The following ST6GALNAC3 variants were observed in gnomAD, a reference collection of about 807,000 sequenced individuals.
ST6GALNAC3 encodes the protein ST6 N-acetylgalactosaminide alpha-2,6-sialyltransferase 3.
ST6GALNAC3 carries 25 observed loss-of-function variants against 32.7 expected under a neutral mutation model. That is an observed-to-expected ratio of 0.76 (90% CI 0.56 to 1.07). The LOEUF (loss-of-function observed/expected upper bound fraction) is 1.07. Among genes scored for constraint, ST6GALNAC3 ranks in the 50% least tolerant of loss-of-function variants. The pLI, the probability that ST6GALNAC3 is intolerant of heterozygous loss-of-function variation, is 0.00. For synonymous variants in ST6GALNAC3, 129 were observed against 133.1 expected (o/e 0.97, Z 0.21); for missense variants, 355 against 382.4 (o/e 0.93, Z 0.60).
chr1:76,621,164 T>C (rs1020334144), intron 3 of ST6GALNAC3, among the ~76,000 whole-genome samples: 2 of 151,952 alleles, frequency 1.3e-5, no homozygotes, highest in African/African-American at 2.4e-5. Flanking sequence ...AGTCAAAGGG[T>C]CCTGATGATT....
At chr1:76,582,962 A>G (rs935190379) in intron 3 of ST6GALNAC3, among the ~76,000 whole-genome samples, 1 of 152,150 alleles carries the variant, frequency 6.6e-6, no homozygotes, top group African/African-American at 2.4e-5. Flanking sequence ...GCCCCTGCAG[A>G]CTGGGTTGTT....
At chr1:76,490,192 G>C (rs1660403419) in intron 3 of ST6GALNAC3, among the ~76,000 whole-genome samples, 1 of 152,038 alleles carries the variant, frequency 6.6e-6, no homozygotes, top group South Asian at 2.1e-4. Flanking sequence ...CTCCAGACCT[G>C]AGGTAGAAAT....
At chr1:76,635,244 C>A (rs1649476325), downstream of ST6GALNAC3, among the ~76,000 whole-genome samples, 1 of 152,012 alleles carries the variant, frequency 6.6e-6, no homozygotes, top group Non-Finnish European at 1.5e-5. Flanking sequence ...AATCTCAACA[C>A]TCTTGCAGTT....
chr1:76,189,634 G>A (rs540331701), intron 1 of ST6GALNAC3, among the ~76,000 whole-genome samples: 1 of 152,304 alleles, frequency 6.6e-6, no homozygotes, highest in South Asian at 2.1e-4. Flanking sequence ...TGTAGAGTTT[G>A]AAATTTCTTA....
intron 1 of ST6GALNAC3, among the ~76,000 whole-genome samples, chr1:76,131,499 A>C (rs1052116591): frequency 2.6e-5 from 4 of 152,218 alleles, no homozygotes; most frequent in Admixed American, 2.0e-4. Flanking sequence ...GCATTGGCCA[A>C]GTCCGTGACA....
rs77577456 is a variant in ST6GALNAC3, at chr1:76,536,295, A to G, written c.624-91157A>G. Among the ~76,000 whole-genome samples the G allele has an allele frequency of 7.0e-3, 1,068 of 152,288 alleles. 18 individuals are homozygous for G. The highest frequency in any genetic ancestry group is 0.041 in the East Asian group (213 of 5,174). On this transcript the variant is annotated intron_variant, in intron 3 of 4. Coordinates refer to ENST00000328299, the MANE Select transcript of ST6GALNAC3 (RefSeq NM_152996.4). ...TGTCTTAGTCTGTTCTCACACTGCT[A>G]TGAAGAAATACCTGAGGCTGGGTAA... is the stretch of plus-strand genomic sequence containing the variant.
intron 2 of ST6GALNAC3, among the ~76,000 whole-genome samples, chr1:76,331,542 C>G (rs1383395598): frequency 6.6e-6 from 1 of 152,196 alleles, no homozygotes; most frequent in Non-Finnish European, 1.5e-5. Context: ...TGCTCTGCAA[C>G]TTACCTATTT....
At chr1:76,457,428 G>T (rs1042762663) in intron 3 of ST6GALNAC3, among the ~76,000 whole-genome samples, 1 of 152,108 alleles carries the variant, frequency 6.6e-6, no homozygotes, top group Admixed American at 6.6e-5. Flanking sequence ...AAAGCTGGAG[G>T]CATCACACTA....
chr1:76,257,882 A>C (rs1570603029), intron 1 of ST6GALNAC3, among the ~76,000 whole-genome samples: 2 of 152,250 alleles, frequency 1.3e-5, no homozygotes, highest in East Asian at 3.9e-4. Flanking sequence ...TTCATTTGTC[A>C]AATGGAATCT....
At chr1:76,338,033 G>A (rs1647649469) in intron 2 of ST6GALNAC3, among the ~76,000 whole-genome samples, 1 of 152,106 alleles carries the variant, frequency 6.6e-6, no homozygotes, top group African/African-American at 2.4e-5. Context: ...GGACCTTTTA[G>A]TTAGAAAGCC....
chr1:76,332,917 G>A (rs1410695573), intron 2 of ST6GALNAC3, among the ~76,000 whole-genome samples: 2 of 151,962 alleles, frequency 1.3e-5, no homozygotes. Flanking sequence ...GGTGTGCTCA[G>A]GTTCCTAGTG....
chr1:76,614,523 T>A (rs1181004381), intron 3 of ST6GALNAC3, among the ~76,000 whole-genome samples: 2 of 151,786 alleles, frequency 1.3e-5, no homozygotes, highest in African/African-American at 4.8e-5. Context: ...ATGGAGACCA[T>A]CCTGGCTAAC....
intron 2 of ST6GALNAC3, among the ~76,000 whole-genome samples, chr1:76,347,892 G>T (rs1648652125): frequency 6.6e-6 from 1 of 152,144 alleles, no homozygotes; most frequent in Non-Finnish European, 1.5e-5. Flanking sequence ...TTAGCATGGT[G>T]CCTGGTCCAT....
intron 3 of ST6GALNAC3, among the ~76,000 whole-genome samples, chr1:76,415,810 C>T (rs539068873): frequency 1.8e-4 from 28 of 152,136 alleles, no homozygotes; most frequent in Middle Eastern, 3.4e-3. Flanking sequence ...GTCTTTGTTT[C>T]TTGGGCTTTA....
intron 1 of ST6GALNAC3, among the ~76,000 whole-genome samples, chr1:76,093,708 G>C (rs1326876884): frequency 6.6e-6 from 1 of 152,200 alleles, no homozygotes; most frequent in African/African-American, 2.4e-5. Context: ...AGACTCATCA[G>C]CTGAGAGACA....
chr1:76,444,524 G>A (rs1656835149), intron 3 of ST6GALNAC3, among the ~76,000 whole-genome samples: 4 of 152,180 alleles, frequency 2.6e-5, no homozygotes, highest in African/African-American at 7.2e-5. Flanking sequence ...AAGAATAAAT[G>A]AGAAACTAAC....
chr1:76,558,235 A>G (rs141211296), intron 3 of ST6GALNAC3, among the ~76,000 whole-genome samples: 1 of 152,298 alleles, frequency 6.6e-6, no homozygotes, highest in African/African-American at 2.4e-5. Context: ...CAGCAATCCT[A>G]TTACTGGGTA....
At chr1:76,161,044 C>A (rs1400391090) in intron 1 of ST6GALNAC3, among the ~76,000 whole-genome samples, 1 of 152,164 alleles carries the variant, frequency 6.6e-6, no homozygotes, top group African/African-American at 2.4e-5. Context: ...GAGTACTTAA[C>A]CTTGATTAAT....
intron 2 of ST6GALNAC3, among the ~76,000 whole-genome samples, chr1:76,384,584 AT>A (rs1172413103): frequency 1.3e-5 from 2 of 152,134 alleles, no homozygotes; most frequent in African/African-American, 2.4e-5. Flanking sequence ...TACAGAATGC[AT>A]TTTTTTCAAG....
Sources: gnomAD v4.1 joint callset for allele counts (sites outside exome capture counted in the v4.1 genomes callset) on GRCh38, gnomAD v4.1.1 for gene constraint, MANE v1.5 for transcripts, NCBI Gene and HGNC (gene_info 2026-07-23, HGNC 2026-07-21) for gene names.